Variants in IGF2BP2 observed in about 807,000 individuals in gnomAD.
IGF2BP2 encodes the protein insulin like growth factor 2 mRNA binding protein 2, also known as insulin-like growth factor 2 mRNA-binding protein 2.
Under a neutral mutation model 75.8 loss-of-function variants are expected in IGF2BP2, and 17 were observed. The observed-to-expected ratio is 0.22, with a 90% CI of 0.15 to 0.34. IGF2BP2 has a LOEUF of 0.34. Among genes scored for constraint, IGF2BP2 ranks in the 10% least tolerant of loss-of-function variants. The pLI is 1.00. For missense variants in IGF2BP2, 516 were observed against 772.4 expected (o/e 0.67, Z 3.93); for synonymous variants, 288 against 295.6 (o/e 0.97, Z 0.26).
chr3:185,759,421 T>C (rs1732060149), intron 2 of IGF2BP2, among the ~76,000 whole-genome samples: 1 of 152,250 alleles, frequency 6.6e-6, no homozygotes, highest in South Asian at 2.1e-4. Context: ...CTTTAGCACC[T>C]TGCTAAAATA....
At chr3:185,707,506 A>G (rs143294911) in intron 2 of IGF2BP2, among the ~76,000 whole-genome samples, 1 of 151,522 alleles carries the variant, frequency 6.6e-6, no homozygotes, top group Non-Finnish European at 1.5e-5. Context: ...ACGGGGTTTC[A>G]CCAAGTTGGC....
intron 2 of IGF2BP2, among the ~76,000 whole-genome samples, chr3:185,741,350 C>A (rs990617817): frequency 2.0e-5 from 3 of 152,104 alleles, no homozygotes; most frequent in Non-Finnish European, 4.4e-5. Flanking sequence ...TTGCTGCAAG[C>A]AGAAGTACAA....
chr3:185,645,506 T>C lies in IGF2BP2; in HGVS notation c.*25A>G. Reference sequence around the variant, plus strand: ...TGTTGGAAGGGCTACATTCATCCGTTGTTTTGCTGGTGCCTGTGGGAGCCT... The same window carrying C: ...TGTTGGAAGGGCTACATTCATCCGTCGTTTTGCTGGTGCCTGTGGGAGCCT... On this transcript the variant is annotated 3_prime_UTR_variant, in exon 16 of 16. Transcript: ENST00000382199. The surrounding 1 kb of genome is among the most constrained non-coding windows in gnomAD (Gnocchi z 4.9). The C allele has an allele frequency of 6.5e-7, 1 of 1,532,486 alleles. No individual in the cohort carries two copies. The highest frequency in any genetic ancestry group is 9.0e-7 in the Non-Finnish European group (1 of 1,105,874). 94.9% of individuals were successfully genotyped at this position (1,532,486 alleles called of 1,614,324 possible). A position where few individuals can be genotyped will look rare whatever the true frequency, so the allele number is the denominator to read the frequency against.
At chr3:185,780,171 C>A (rs1475590623) in intron 2 of IGF2BP2, among the ~76,000 whole-genome samples, 1 of 152,092 alleles carries the variant, frequency 6.6e-6, no homozygotes, top group African/African-American at 2.4e-5. Flanking sequence ...ATTATATATT[C>A]TCTCTGGATA....
chr3:185,726,038 G>C (rs1240589758), intron 2 of IGF2BP2, among the ~76,000 whole-genome samples: 1 of 152,168 alleles, frequency 6.6e-6, no homozygotes, highest in Non-Finnish European at 1.5e-5. Flanking sequence ...CTTGAAAATG[G>C]ATGAGATCAC....
chr3:185,819,100 C>T (rs1740995535), intron 2 of IGF2BP2, among the ~76,000 whole-genome samples: 1 of 152,112 alleles, frequency 6.6e-6, no homozygotes, highest in African/African-American at 2.4e-5. Flanking sequence ...CATCTTCTGT[C>T]TACCAAACGA....
At chr3:185,744,560 T>C (rs1001789972) in intron 2 of IGF2BP2, among the ~76,000 whole-genome samples, 1 of 152,122 alleles carries the variant, frequency 6.6e-6, no homozygotes, top group African/African-American at 2.4e-5. Context: ...GTAATCCCAG[T>C]ACTGTAGGAG....
chr3:185,769,830 CAAAAAAAAAAAA>C (rs35418660), intron 2 of IGF2BP2, among the ~76,000 whole-genome samples: 4 of 77,172 alleles, frequency 5.2e-5, no homozygotes, highest in African/African-American at 9.6e-5. Context: ...ACCCTGTCTC[CAAAAAAAAAAAA>C]AAAAAAAAAA....
intron 7 of IGF2BP2, among the ~76,000 whole-genome samples, chr3:185,683,066 A>T (rs2149282914): frequency 6.6e-6 from 1 of 152,266 alleles, no homozygotes; most frequent in East Asian, 1.9e-4. Flanking sequence ...AGATGAACAG[A>T]TAAACAAAAT....
intron 7 of IGF2BP2, among the ~76,000 whole-genome samples, chr3:185,685,258 G>A (rs1183520337): frequency 6.6e-6 from 1 of 151,864 alleles, no homozygotes; most frequent in Non-Finnish European, 1.5e-5. Context: ...TGAGGCAGGA[G>A]AATTGCTTGA....
At chr3:185,820,859 TTTTCA>T (rs1560524009) in intron 2 of IGF2BP2, among the ~76,000 whole-genome samples, 1 of 152,228 alleles carries the variant, frequency 6.6e-6, no homozygotes. Flanking sequence ...TTTCTTCCCA[TTTTCA>T]TTTCAACTAA....
chr3:185,785,209 G>C (rs1032849043), intron 2 of IGF2BP2, among the ~76,000 whole-genome samples: 18 of 150,796 alleles, frequency 1.2e-4, no homozygotes, highest in East Asian at 3.9e-4. Flanking sequence ...GTTGAGGCAG[G>C]AGAATCGCTT....
intron 13 of IGF2BP2, among the ~76,000 whole-genome samples, chr3:185,650,088 CTT>C (rs542843120): frequency 2.9e-4 from 37 of 125,928 alleles, no homozygotes; most frequent in Admixed American, 2.4e-4. Context: ...TGTTTTCATT[CTT>C]TTTTTTTTTT....
intron 2 of IGF2BP2, among the ~76,000 whole-genome samples, chr3:185,806,989 A>C (rs943747748): frequency 2.0e-5 from 3 of 152,138 alleles, no homozygotes; most frequent in African/African-American, 7.2e-5. Flanking sequence ...AAGAAGGATA[A>C]ATTTATTTTC....
intron 13 of IGF2BP2, among the ~76,000 whole-genome samples, chr3:185,651,849 G>C (rs918255413): frequency 1.3e-5 from 2 of 152,122 alleles, no homozygotes; most frequent in African/African-American, 4.8e-5. Flanking sequence ...CCAGAGCAGG[G>C]GCCACTCGAA....
intron 2 of IGF2BP2, among the ~76,000 whole-genome samples, chr3:185,820,183 G>A (rs1741150308): frequency 6.7e-6 from 1 of 149,618 alleles, no homozygotes; most frequent in Admixed American, 6.7e-5. Flanking sequence ...GCATGTCTTA[G>A]TTCAAAACAA....
chr3:185,764,043 C>T (rs1732734372), intron 2 of IGF2BP2, among the ~76,000 whole-genome samples: 1 of 151,980 alleles, frequency 6.6e-6, no homozygotes, highest in Non-Finnish European at 1.5e-5. Flanking sequence ...CCTTGAATGT[C>T]ATAGAGAGGA....
chr3:185,816,760 T>G (rs756681800), intron 2 of IGF2BP2, among the ~76,000 whole-genome samples: 11 of 152,232 alleles, frequency 7.2e-5, no homozygotes, highest in Non-Finnish European at 1.0e-4. Flanking sequence ...TCAAAGAGGC[T>G]GGAACAGCAT....
chr3:185,737,296 A>G lies in IGF2BP2; in HGVS notation c.240-38949T>C, dbSNP rs540642782. Among the ~76,000 whole-genome samples, 3 of 152,132 alleles carry G rather than the reference A, an allele frequency of 2.0e-5. 1 individual carries two copies. The highest frequency in any genetic ancestry group is 7.2e-5 in the African/African-American group (3 of 41,494). On this transcript the variant is annotated intron_variant, in intron 2 of 15. Transcript: ENST00000382199. ...CAACATCTTTCTGGAGCTGATGTACACCCTCCCTTAATAAACATTCTAGGT... is the reference window on the plus strand; with the variant it reads ...CAACATCTTTCTGGAGCTGATGTACGCCCTCCCTTAATAAACATTCTAGGT...
Sources: gnomAD v4.1 joint callset for allele counts (sites outside exome capture counted in the v4.1 genomes callset) on GRCh38, gnomAD v4.1.1 for gene constraint, Gnocchi (gnomAD v3.1) non-coding constraint, MANE v1.5 for transcripts, NCBI Gene and HGNC (gene_info 2026-07-23, HGNC 2026-07-21) for gene names.